COL4A6: variants seen among roughly 807,000 people sequenced by gnomAD.
COL4A6 encodes collagen alpha-6(IV) chain.
A neutral mutation model predicts 126.7 loss-of-function variants in COL4A6; 59 were observed. That is an observed-to-expected ratio of 0.47 (90% confidence interval 0.38 to 0.58). The LOEUF (loss-of-function observed/expected upper bound fraction) is 0.58. COL4A6 is among the 20% of genes least tolerant of loss of function. The pLI, the probability that COL4A6 is intolerant of heterozygous loss-of-function variation, is 0.00. For missense variants in COL4A6, 1,285 were observed against 1,337.3 expected (o/e 0.96, Z 0.61); for synonymous variants, 547 against 496.6 (o/e 1.10, Z -1.35).
intron 2 of COL4A6, among the ~76,000 whole-genome samples, chrX:108,433,725 T>C (rs1176210407): frequency 9.0e-6 from 1 of 111,110 alleles, no homozygotes; most frequent in East Asian, 2.8e-4. Context: ...AGTTTCACTA[T>C]GTTGCCTAGG....
chrX:108,383,024 AAAGGC>A (rs1389025667), intron 2 of COL4A6, among the ~76,000 whole-genome samples: 1 of 106,075 alleles, frequency 9.4e-6, no homozygotes, highest in Non-Finnish European at 1.9e-5. Context: ...TTAATTCCAA[AAAGGC>A]AAGAAAAAAG....
chrX:108,437,046 A>C (rs748202775), intron 2 of COL4A6, among the ~76,000 whole-genome samples: 1 of 112,108 alleles, frequency 8.9e-6, no homozygotes, highest in Admixed American at 9.5e-5. Context: ...TTTTTAAAAA[A>C]AATACAGCAG....
intron 31 of COL4A6, 54 bp from the exon 32 acceptor site, chrX:108,172,586 C>A: frequency 1.0e-6 from 1 of 961,056 alleles, no homozygotes; most frequent in South Asian, 2.3e-5. Flanking sequence ...GACTGCCCAC[C>A]CTCTTACTTC....
chrX:108,192,780 C>A (rs571502508), intron 17 of COL4A6, among the ~76,000 whole-genome samples, 200 bp from the exon 18 acceptor site: 3 of 112,567 alleles, frequency 2.7e-5, no homozygotes, highest in African/African-American at 9.7e-5. Context: ...AATTAGTGTA[C>A]TAAGAATTGT....
chrX:108,270,969 T>A (rs2037434214), intron 3 of COL4A6, among the ~76,000 whole-genome samples: 1 of 111,837 alleles, frequency 8.9e-6, no homozygotes, highest in African/African-American at 3.3e-5. Flanking sequence ...CAACGCGGCT[T>A]AGAGCAAAAG....
chrX:108,320,673 G>A (rs1047011197), intron 2 of COL4A6, among the ~76,000 whole-genome samples: 1 of 111,988 alleles, frequency 8.9e-6, no homozygotes, highest in Non-Finnish European at 1.9e-5. Flanking sequence ...TCTGCACAGT[G>A]CAAAACAAGA....
intron 2 of COL4A6, among the ~76,000 whole-genome samples, chrX:108,316,554 C>A (rs1412660471): frequency 1.8e-5 from 2 of 111,194 alleles, no homozygotes; most frequent in Non-Finnish European, 3.8e-5. Context: ...AAGCACAGTC[C>A]TTGGCCCAGA....
intron 2 of COL4A6, among the ~76,000 whole-genome samples, chrX:108,367,709 T>C (rs1336811648): frequency 1.8e-5 from 2 of 112,202 alleles, no homozygotes; most frequent in Non-Finnish European, 3.8e-5. Context: ...ATTGATTTTT[T>C]CAAAATGGGT....
At chrX:108,237,087 A>G (rs1010565323) in intron 3 of COL4A6, among the ~76,000 whole-genome samples, 4 of 111,017 alleles carry the variant, frequency 3.6e-5, no homozygotes. Context: ...CTCTTATTAG[A>G]CCCTTTAGGA....
At chrX:108,401,040 C>A (rs2041077736) in intron 2 of COL4A6, among the ~76,000 whole-genome samples, 2 of 111,204 alleles carry the variant, frequency 1.8e-5, no homozygotes. Context: ...TTTTATTATA[C>A]CCGATGTATA....
chrX:108,315,266 A>C (rs915153790), intron 2 of COL4A6, among the ~76,000 whole-genome samples: 2 of 111,465 alleles, frequency 1.8e-5, no homozygotes, highest in African/African-American at 6.5e-5. Context: ...TTTGAGATGG[A>C]GTATCACTCT....
At chrX:108,382,776 G>A (rs1453662972) in intron 2 of COL4A6, among the ~76,000 whole-genome samples, 1 of 108,616 alleles carries the variant, frequency 9.2e-6, no homozygotes, top group Non-Finnish European at 1.9e-5. Context: ...GTGAAACCCC[G>A]CCTCTACTAA....
intron 2 of COL4A6, among the ~76,000 whole-genome samples, chrX:108,371,093 C>T (rs1279721863): frequency 9.1e-6 from 1 of 110,336 alleles, no homozygotes; most frequent in East Asian, 2.9e-4. Context: ...TTGTTCAAAC[C>T]TCTATTCTTG....
rs866843871 is a variant in COL4A6 at position 108,377,556 on chromosome X, C to G, written c.63+60386G>C. Among the ~76,000 whole-genome samples the G allele has an allele frequency of 5.8e-5, 5 of 86,430 alleles. No homozygotes were observed. In the South Asian group the frequency reaches 2.7e-3, roughly 46 times the overall value. The allele number at this position is 86,430 out of a possible 115,157, so 75.1% of individuals were successfully genotyped here. A position where few individuals can be genotyped will look rare whatever the true frequency, so the allele number is the denominator to read the frequency against. On this transcript the variant is annotated intron_variant, in intron 2 of 44. Transcript: ENST00000334504. ...CTTTCTCTGTACAGAAAAAAAATTT[C>G]TTTTTTTTTTTTTTTTAAGTATTTA...
intron 2 of COL4A6, among the ~76,000 whole-genome samples, chrX:108,434,902 GAC>G (rs2064238794): frequency 1.8e-5 from 2 of 110,379 alleles, no homozygotes; most frequent in African/African-American, 6.6e-5. Context: ...GATTTATAGA[GAC>G]ACAGCCCCAG....
intron 2 of COL4A6, among the ~76,000 whole-genome samples, chrX:108,369,140 C>A (rs2040269059): frequency 9.0e-6 from 1 of 111,070 alleles, no homozygotes; most frequent in African/African-American, 3.3e-5. Context: ...TTGTTTACAC[C>A]AACATCATGA....
intron 3 of COL4A6, among the ~76,000 whole-genome samples, chrX:108,275,515 T>C (rs2147779645): frequency 8.9e-6 from 1 of 112,702 alleles, no homozygotes; most frequent in Admixed American, 9.4e-5. Context: ...CCACCAGCCA[T>C]GAGGTGTTTC....
chrX:108,400,778 A>G (rs1444242538), intron 2 of COL4A6, among the ~76,000 whole-genome samples: 1 of 111,939 alleles, frequency 8.9e-6, no homozygotes, highest in East Asian at 2.8e-4. Context: ...ATAGTAATGA[A>G]TTAAGCCTTT....
In COL4A6 at chrX:108,286,252, A is replaced by G. The variant is rs182614016; in HGVS notation, c.144+24496T>C. ...TGGGGGCTGGAATTTAAACAACCAC[A>G]AACAAGTTTTTAATTTCTAGGTAAC... On this transcript the variant is annotated intron_variant, in intron 3 of 44. Coordinates refer to ENST00000334504, the MANE Select transcript of COL4A6 (RefSeq NM_033641.4). 1.3e-4 allele frequency among the ~76,000 whole-genome samples: 15 copies of G among 112,147 alleles called. No homozygotes were observed. In the East Asian group the frequency reaches 4.2e-3, roughly 31 times the overall value.
Sources: gnomAD v4.1 joint callset for allele counts (sites outside exome capture counted in the v4.1 genomes callset) on GRCh38, gnomAD v4.1.1 for gene constraint, MANE v1.5 for transcripts, NCBI Gene and HGNC (gene_info 2026-07-23, HGNC 2026-07-21) for gene names.